The following SCN2A variants were observed in gnomAD, a reference collection of about 807,000 sequenced individuals.
The protein encoded by SCN2A is sodium voltage-gated channel alpha subunit 2, also known as sodium channel protein type 2 subunit alpha.
A neutral mutation model predicts 188.7 loss-of-function variants in SCN2A; 20 were observed. The ratio of observed to expected loss-of-function variants is 0.11; its 90% CI spans 0.07 to 0.15. SCN2A has a LOEUF of 0.15. SCN2A is among the 10% of genes least tolerant of loss of function. The pLI is 1.00. For missense variants in SCN2A, 1,278 were observed against 2,445.0 expected (o/e 0.52, Z 10.07); for synonymous variants, 804 against 833.1 (o/e 0.97, Z 0.60).
intron 3 of SCN2A, among the ~76,000 whole-genome samples, chr2:165,301,014 T>C (rs1696781700): frequency 6.6e-6 from 1 of 152,104 alleles, no homozygotes; most frequent in South Asian, 2.1e-4. Flanking sequence ...AATTTTGAGG[T>C]ATTTTGCAGA....
intron 11 of SCN2A, 98 bp from the exon 12 acceptor site, chr2:165,323,058 G>C: frequency 8.6e-7 from 1 of 1,162,134 alleles, no homozygotes; most frequent in Non-Finnish European, 1.2e-6. Flanking sequence ...CCTTGAGTAA[G>C]TCAATGACTA....
At chr2:165,352,142 T>G (rs1699952997) in intron 16 of SCN2A, among the ~76,000 whole-genome samples, 1 of 152,046 alleles carries the variant, frequency 6.6e-6, no homozygotes, top group African/African-American at 2.4e-5. Flanking sequence ...AGCACCAAAA[T>G]AGATAAAATA....
At chr2:165,383,554 C>G (rs1184711641) in intron 25 of SCN2A, among the ~76,000 whole-genome samples, 1 of 152,094 alleles carries the variant, frequency 6.6e-6, no homozygotes, top group Non-Finnish European at 1.5e-5. Flanking sequence ...TGGACCCAGT[C>G]AGTCTGGGCT....
At chr2:165,281,626 T>C (rs116519585) in intron 1 of SCN2A, among the ~76,000 whole-genome samples, 191 of 152,206 alleles carry the variant, frequency 1.3e-3, no homozygotes, top group African/African-American at 4.6e-3. Flanking sequence ...TCTGAGTAAA[T>C]AGAGAGTCAC....
intron 1 of SCN2A, among the ~76,000 whole-genome samples, chr2:165,287,573 A>G (rs1339551599): frequency 6.6e-6 from 1 of 151,318 alleles, no homozygotes; most frequent in Non-Finnish European, 1.5e-5. Context: ...AAGACCAATT[A>G]TTATTTTAGA....
At chr2:165,289,763 G>A (rs1483882516) in intron 1 of SCN2A, among the ~76,000 whole-genome samples, 3 of 152,020 alleles carry the variant, frequency 2.0e-5, no homozygotes, top group Admixed American at 1.3e-4. Context: ...TTGTTCATTC[G>A]ATGTTTTATA....
At chr2:165,242,055 C>T (rs1335649633) in intron 1 of SCN2A, among the ~76,000 whole-genome samples, 1 of 151,870 alleles carries the variant, frequency 6.6e-6, no homozygotes, top group Admixed American at 6.6e-5. Context: ...TTTTTTTCCC[C>T]TGGGGCAGTA....
Position 165,291,577 on chromosome 2 carries a change from C to CCT in SCN2A, c.-51-4196_-51-4195insCT, listed in dbSNP as rs1559340809. Among the ~76,000 whole-genome samples, 27 of 86,962 alleles carry CCT rather than the reference C, an allele frequency of 3.1e-4. 1 individual carries two copies. In the East Asian group the frequency reaches 4.7e-3, roughly 15 times the overall value. The allele number at this position is 86,962 out of a possible 152,430, so 57.1% of individuals were successfully genotyped here. Reference sequence around the variant, plus strand: ...CCTTCCTTCCTTCCTTCCTTCCTTTCTCTCTCTCTCTCTCTCTCTCTCTTT... The same window carrying CCT: ...CCTTCCTTCCTTCCTTCCTTCCTTTCCTTCTCTCTCTCTCTCTCTCTCTCTTT... On this transcript the variant is annotated intron_variant, in intron 1 of 26. Coordinates refer to ENST00000375437, the MANE Select transcript of SCN2A (RefSeq NM_001040142.2).
intron 25 of SCN2A, among the ~76,000 whole-genome samples, chr2:165,383,072 T>A (rs1055966982): frequency 1.2e-3 from 185 of 152,252 alleles, no homozygotes; most frequent in Non-Finnish European, 1.7e-3. Context: ...TAAAATCCAT[T>A]TATTCCTGCA....
At chr2:165,375,213 AT>A (rs1392531767) in intron 22 of SCN2A, among the ~76,000 whole-genome samples, 1 of 152,030 alleles carries the variant, frequency 6.6e-6, no homozygotes, top group African/African-American at 2.4e-5. Flanking sequence ...CCACTATGTG[AT>A]CCAACAATTC....
chr2:165,309,575 T>A (rs1697325805), intron 6 of SCN2A, 132 bp downstream of exon 6: 1 of 1,077,534 alleles, frequency 9.3e-7, no homozygotes, highest in South Asian at 1.3e-5. Flanking sequence ...TGGTACATCA[T>A]TTTTTGGATG....
chr2:165,365,118 G>GT, intron 17 of SCN2A, 25 bp from the exon 18 acceptor site: 1 of 1,603,378 alleles, frequency 6.2e-7, no homozygotes, highest in Non-Finnish European at 8.5e-7. Flanking sequence ...AATTAAATGT[G>GT]TTTTTTTGTG....
chr2:165,285,819 G>A (rs1408024828), intron 1 of SCN2A: 41 of 167,752 alleles, frequency 2.4e-4, no homozygotes, highest in Non-Finnish European at 1.7e-4. Context: ...TAGGAGTGCT[G>A]CAGGGTCAAA....
At position 165,389,518 on chromosome 2, in the gene SCN2A, A is replaced by G; in HGVS notation, c.5712A>G (p.Gln1904=). Residue 1904 remains glutamine (Q), a synonymous_variant, in exon 27 of 27, where the codon CAA becomes CAG. Transcript: ENST00000375437. This position sits in a 1 kb window ranked among gnomAD's most constrained non-coding sequence, Gnocchi z 4.2. ...TTACGACCACGTTGAAACGCAAACA[A>G]GAGGAGGTGTCTGCTATTATTATCC... ...EPITTTLKRK[Q]EEVSAIIIQR... is the part of the protein sequence containing the mutation. The G allele has an allele frequency of 1.9e-6, 3 of 1,614,020 alleles. No individual in the cohort carries two copies. The highest frequency in any genetic ancestry group is 2.5e-6 in the Non-Finnish European group (3 of 1,179,970).
rs111786814 is a variant in SCN2A at position 165,390,076 on chromosome 2, G to T, written c.*252G>T. 4.0e-6 allele frequency: 2 copies of T among 498,930 alleles called. No individual in the cohort carries two copies. Among genetic ancestry groups the T allele is most frequent in the African/African-American group, 1.9e-5 (1 of 51,806 alleles). The allele number at this position is 498,930 out of a possible 1,614,324, so 30.9% of individuals were successfully genotyped here. A position where few individuals can be genotyped will look rare whatever the true frequency, so the allele number is the denominator to read the frequency against. On this transcript the variant is annotated 3_prime_UTR_variant, in exon 27 of 27. Transcript: ENST00000375437. Reference sequence around the variant, plus strand: ...GCTGACACTGCTGAAGAGCAGAGGCGTAATGGCTACTCAGACGATAGGAAC... The same window carrying T: ...GCTGACACTGCTGAAGAGCAGAGGCTTAATGGCTACTCAGACGATAGGAAC...
At chr2:165,247,316 C>T (rs924306726) in intron 1 of SCN2A, among the ~76,000 whole-genome samples, 2 of 152,040 alleles carry the variant, frequency 1.3e-5, no homozygotes, top group Non-Finnish European at 2.9e-5. Flanking sequence ...TGCAATAATA[C>T]TTAATGAAAG....
chr2:165,345,231 G>GC (rs1385795896), intron 16 of SCN2A, among the ~76,000 whole-genome samples: 1 of 152,082 alleles, frequency 6.6e-6, no homozygotes, highest in Non-Finnish European at 1.5e-5. Context: ...ATAAGTACTA[G>GC]CAATAACACC....
chr2:165,288,517 A>G (rs1454644053), intron 1 of SCN2A, among the ~76,000 whole-genome samples: 3 of 151,556 alleles, frequency 2.0e-5, no homozygotes, highest in Admixed American at 6.6e-5. Context: ...AGTTAGTTTC[A>G]TATTGGAACT....
At chr2:165,365,355 T>C in intron 18 of SCN2A, 92 bp downstream of exon 18, 1 of 1,397,138 alleles carries the variant, frequency 7.2e-7, no homozygotes, top group Non-Finnish European at 1.0e-6. Context: ...TTGTCTACCA[T>C]CTATTATCTA....
Sources: gnomAD v4.1 joint callset for allele counts (sites outside exome capture counted in the v4.1 genomes callset) on GRCh38, gnomAD v4.1.1 for gene constraint, Gnocchi (gnomAD v3.1) non-coding constraint, MANE v1.5 for transcripts, NCBI Gene and HGNC (gene_info 2026-07-23, HGNC 2026-07-21) for gene names.